MRPS23: variants seen among roughly 807,000 people sequenced by gnomAD.
The protein encoded by MRPS23 is mitochondrial ribosomal protein S23.
In MRPS23, 14 loss-of-function variants were observed where a neutral mutation model predicts 19.8. The observed-to-expected ratio is 0.71, with a 90% CI of 0.47 to 1.11. MRPS23 has a LOEUF of 1.11. MRPS23 is among the 50% of genes least tolerant of loss of function. The probability of loss-of-function intolerance (pLI) is 0.00; values close to 1 mark genes in which losing one functional copy is unlikely to be tolerated. For missense variants in MRPS23, 242 were observed against 236.7 expected, an observed-to-expected ratio of 1.02 and a Z score of -0.15; for synonymous variants, 113 against 89.7, an observed-to-expected ratio of 1.26 and a Z score of -1.47.
At chr17:57,849,447 A>G (rs777120819) in intron 1 of MRPS23, 37 bp from the exon 2 acceptor site, 13 of 1,604,910 alleles carry the variant, frequency 8.1e-6, no homozygotes, top group Non-Finnish European at 1.1e-5. Context: ...GGTCACTTGC[A>G]GTAGCCTGCC....
intron 2 of MRPS23, among the ~76,000 whole-genome samples, chr17:57,844,491 G>A (rs1302181840): frequency 6.6e-6 from 1 of 151,816 alleles, no homozygotes; most frequent in Non-Finnish European, 1.5e-5. Flanking sequence ...TGGGCATGGT[G>A]GCTCATGCCT....
Position 57,834,896 on chromosome 17 carries a change from G to A in MRPS23, c.*4887C>T, listed in dbSNP as rs553094633. 21 of 152,230 alleles carry A rather than the reference G, an allele frequency of 1.4e-4. No individual in the cohort carries two copies. Among genetic ancestry groups the A allele is most frequent in the African/African-American group, 4.8e-4 (20 of 41,534 alleles). 9.4% of individuals were successfully genotyped at this position (152,230 alleles called of 1,614,324 possible). The stretch of plus-strand genomic sequence containing the variant: ...CCACTTTCATTATCAGAGAACTCTC[G>A]ATACAAAGTGTTCTACAAAACTACA... On this transcript the variant is annotated 3_prime_UTR_variant, in exon 5 of 5. Coordinates refer to ENST00000313608, the MANE Select transcript of MRPS23 (RefSeq NM_016070.4).
intron 2 of MRPS23, among the ~76,000 whole-genome samples, chr17:57,846,286 C>CG (rs1368369286): frequency 2.8e-5 from 1 of 35,626 alleles, no homozygotes; most frequent in East Asian, 8.6e-4. Context: ...CCGCCCCGTC[C>CG]GGGAGGGAGG....
At chr17:57,842,891 T>TACACACACACACACACAC (rs35501487) in intron 2 of MRPS23, among the ~76,000 whole-genome samples, 1 of 76,570 alleles carries the variant, frequency 1.3e-5, no homozygotes, top group African/African-American at 5.0e-5. Flanking sequence ...TATATATATA[T>TACACACACACACACACAC]ACACACACAC....
At position 57,841,210 on chromosome 17, in the gene MRPS23, T is replaced by C. The variant is rs956041230; in HGVS notation, c.266A>G (p.Asn89Ser). The C allele has an allele frequency of 2.5e-6, 4 of 1,614,048 alleles. No homozygotes were observed. The African/African-American group carries it at 4.0e-5, about 16-fold the overall frequency. Residue 89 changes from asparagine to serine, a missense_variant, in exon 3 of 5, where the codon AAT (asparagine) becomes AGT (serine). By Grantham distance (46) the Asn-to-Ser change is conservative. Transcript: ENST00000313608. ...GSGQRAFDLF[N>S]PNFKSTCQRF... ...TTGACAGGTAGACTTGAAGTTTGGA[T>C]TGAATAGATCAAAAGCTCTTTGACC...
rs1299621067 is a variant in MRPS23, at chr17:57,838,301, A to AAAAAAAAAAAAAAAAAAAT, written c.*1481_*1482insATTTTTTTTTTTTTTTTTT. 7.0e-6 allele frequency: 1 copy of AAAAAAAAAAAAAAAAAAAT among 143,574 alleles called. No individual in the cohort carries two copies. The highest frequency in any genetic ancestry group is 1.5e-5 in the Non-Finnish European group (1 of 67,434). 8.9% of individuals were successfully genotyped at this position (143,574 alleles called of 1,614,324 possible). ...TGATACTCCATCGCAAAAAAAAAAA[A>AAAAAAAAAAAAAAAAAAAT]AAAAAAAAAAAAAAAATTAAAAATC... On this transcript the variant is annotated 3_prime_UTR_variant, in exon 5 of 5. Coordinates refer to ENST00000313608, the MANE Select transcript of MRPS23 (RefSeq NM_016070.4).
chr17:57,845,513 T>C (rs745558388), intron 2 of MRPS23, among the ~76,000 whole-genome samples: 2 of 152,158 alleles, frequency 1.3e-5, no homozygotes, highest in African/African-American at 2.4e-5. Context: ...AAAAAGGAAC[T>C]AGACAAATTC....
chr17:57,841,150 T>A, intron 3 of MRPS23, 33 bp downstream of exon 3: 1 of 1,609,492 alleles, frequency 6.2e-7, no homozygotes, highest in Non-Finnish European at 8.5e-7. Context: ...TAAAAAATAA[T>A]ATGAATAGCC....
At chr17:57,840,572 T>C (rs1042023500) in intron 4 of MRPS23, among the ~76,000 whole-genome samples, 1 of 152,094 alleles carries the variant, frequency 6.6e-6, no homozygotes, top group Admixed American at 6.6e-5. Flanking sequence ...TTCCATCAGA[T>C]TGGCAACTCT....
chr17:57,845,980 G>C (rs1227244310), intron 2 of MRPS23, among the ~76,000 whole-genome samples: 1 of 152,040 alleles, frequency 6.6e-6, no homozygotes, highest in African/African-American at 2.4e-5. Context: ...AGCTATTAAA[G>C]ACAGGCTAAG....
Position 57,850,016 on chromosome 17 carries a change from G to C in MRPS23, c.-6C>G, listed in dbSNP as rs758763734. 1.3e-6 allele frequency: 2 copies of C among 1,592,494 alleles called. No individual in the cohort carries two copies. Among genetic ancestry groups the C allele is most frequent in the Non-Finnish European group, 1.7e-6 (2 of 1,174,170 alleles). ...TCCAGCCGGCTGCCTGCCATGATCT[G>C]CGCCTGGTACCGAGCGTGACTAGCT... On this transcript the variant is annotated 5_prime_UTR_variant, in exon 1 of 5. Coordinates refer to ENST00000313608, the MANE Select transcript of MRPS23 (RefSeq NM_016070.4).
intron 2 of MRPS23, among the ~76,000 whole-genome samples, chr17:57,842,597 G>T (rs1316720650): frequency 6.6e-6 from 1 of 152,098 alleles, no homozygotes; most frequent in South Asian, 2.1e-4. Context: ...CACAAATGTG[G>T]TACTACTGGA....
chr17:57,848,398 A>G (rs2073790115), intron 2 of MRPS23, among the ~76,000 whole-genome samples: 1 of 151,790 alleles, frequency 6.6e-6, no homozygotes, highest in African/African-American at 2.4e-5. Flanking sequence ...ATTCCTAGTG[A>G]TTGTCTCTCT....
rs1339987523 is a variant in MRPS23 at position 57,836,578 on chromosome 17, T to TGACATCATTGTGGCAAAA, written c.*3204_*3205insTTTTGCCACAATGATGTC. On this transcript the variant is annotated 3_prime_UTR_variant, in exon 5 of 5. Coordinates refer to ENST00000313608, the MANE Select transcript of MRPS23 (RefSeq NM_016070.4). ...AAATCCAGAACTGATTCCTTGCCCC[T>TGACATCATTGTGGCAAAA]GAACCTCTACTGTACTTTTATATCA... The TGACATCATTGTGGCAAAA allele has an allele frequency of 2.0e-5, 3 of 152,208 alleles. No homozygotes were observed. Among genetic ancestry groups the TGACATCATTGTGGCAAAA allele is most frequent in the Non-Finnish European group, 4.4e-5 (3 of 68,040 alleles). The allele number at this position is 152,208 out of a possible 1,614,324, so 9.4% of individuals were successfully genotyped here. A position where few individuals can be genotyped will look rare whatever the true frequency, so the allele number is the denominator to read the frequency against.
intron 1 of MRPS23, 80 bp downstream of exon 1, chr17:57,849,887 G>T: frequency 6.6e-7 from 1 of 1,503,824 alleles, no homozygotes; most frequent in Admixed American, 2.0e-5. Flanking sequence ...GCTCAGGTCC[G>T]CTCCAAGGAA....
At chr17:57,842,693 A>G (rs905915121) in intron 2 of MRPS23, among the ~76,000 whole-genome samples, 1 of 151,996 alleles carries the variant, frequency 6.6e-6, no homozygotes, top group Non-Finnish European at 1.5e-5. Flanking sequence ...TCACATAGGT[A>G]ATATACGAGC....
chr17:57,841,884 T>G (rs1177274173), intron 2 of MRPS23, among the ~76,000 whole-genome samples: 1 of 152,066 alleles, frequency 6.6e-6, no homozygotes, highest in African/African-American at 2.4e-5. Context: ...GAGGCAGAGG[T>G]TGCAGTAAGT....
intron 4 of MRPS23, among the ~76,000 whole-genome samples, chr17:57,840,170 G>A (rs541003703): frequency 6.6e-6 from 1 of 152,022 alleles, no homozygotes; most frequent in Non-Finnish European, 1.5e-5. Flanking sequence ...GGCGGATCAC[G>A]AGGTCAGGAG....
rs1470272995 is a variant in MRPS23 at position 57,839,142 on chromosome 17, T to C, written c.*641A>G. 3 of 152,288 alleles carry C rather than the reference T, an allele frequency of 2.0e-5. No individual in the cohort carries two copies. The highest frequency in any genetic ancestry group is 4.4e-5 in the Non-Finnish European group (3 of 68,060). 9.4% of individuals were successfully genotyped at this position (152,288 alleles called of 1,614,324 possible). On this transcript the variant is annotated 3_prime_UTR_variant, in exon 5 of 5. Transcript: ENST00000313608. ...TATAACCATTCGTTCACTCATTCATTCAACAAGTATTTACTGAACAGCCTA... is the reference window on the plus strand; with the variant it reads ...TATAACCATTCGTTCACTCATTCATCCAACAAGTATTTACTGAACAGCCTA...
Sources: gnomAD v4.1 joint callset for allele counts (sites outside exome capture counted in the v4.1 genomes callset) on GRCh38, gnomAD v4.1.1 for gene constraint, MANE v1.5 for transcripts, NCBI Gene and HGNC (gene_info 2026-07-23, HGNC 2026-07-21) for gene names.